The following CLASP1 variants were observed in gnomAD, a reference collection of about 807,000 sequenced individuals.
CLASP1 encodes the protein CLIP-associating protein 1.
A neutral mutation model predicts 192.3 loss-of-function variants in CLASP1; 38 were observed. That is an observed-to-expected ratio of 0.20 (90% CI 0.15 to 0.26). CLASP1 has a LOEUF of 0.26. Among genes scored for constraint, CLASP1 ranks in the 10% least tolerant of loss-of-function variants. CLASP1 has a pLI of 1.00. For missense variants in CLASP1, 1,433 were observed against 1,932.5 expected (o/e 0.74, Z 4.85); for synonymous variants, 691 against 712.8 (o/e 0.97, Z 0.49).
chr2:121,550,321 C>G (rs2057917829), intron 2 of CLASP1, among the ~76,000 whole-genome samples: 1 of 151,994 alleles, frequency 6.6e-6, no homozygotes, highest in African/African-American at 2.4e-5. Context: ...AACCTAACAT[C>G]ACAACTGAAA....
chr2:121,531,159 G>T (rs566081734), intron 2 of CLASP1: 51 of 611,514 alleles, frequency 8.3e-5, no homozygotes, highest in African/African-American at 4.2e-4. Context: ...GATTAAACGG[G>T]AAGGATTTCA....
chr2:121,627,400 C>T (rs1284811311), intron 1 of CLASP1, among the ~76,000 whole-genome samples: 1 of 152,232 alleles, frequency 6.6e-6, no homozygotes, highest in East Asian at 1.9e-4. Context: ...ATCTGCCAGG[C>T]ACTGCCCTCA....
At chr2:121,456,572 G>C (rs538922626) in intron 14 of CLASP1, among the ~76,000 whole-genome samples, 2 of 151,330 alleles carry the variant, frequency 1.3e-5, no homozygotes, top group African/African-American at 4.8e-5. Context: ...GGAAGGGAAG[G>C]AAACAGAAGG....
intron 32 of CLASP1, 62 bp downstream of exon 33, chr2:121,387,060 T>A: frequency 7.7e-7 from 1 of 1,301,300 alleles, no homozygotes; most frequent in South Asian, 1.2e-5. Context: ...AGAAATAGGA[T>A]GCACAGCAAT....
intron 2 of CLASP1, among the ~76,000 whole-genome samples, chr2:121,571,946 G>A (rs2060011314): frequency 6.6e-6 from 1 of 151,616 alleles, no homozygotes; most frequent in African/African-American, 2.4e-5. Flanking sequence ...AAGCTCACCT[G>A]TAAAAGATGT....
chr2:121,648,698 G>A (rs1311997588), intron 1 of CLASP1, among the ~76,000 whole-genome samples: 1 of 152,176 alleles, frequency 6.6e-6, no homozygotes, highest in African/African-American at 2.4e-5. Flanking sequence ...CAATACCAAA[G>A]AACAACAAAG....
chr2:121,463,327 T>G (rs890590029), intron 9 of CLASP1, among the ~76,000 whole-genome samples: 2 of 152,190 alleles, frequency 1.3e-5, no homozygotes, highest in African/African-American at 4.8e-5. Flanking sequence ...GTCTGATTGC[T>G]TTTCTAAGAC....
Position 121,640,233 on chromosome 2 carries a change from C to T in CLASP1, c.-286+9139G>A, listed in dbSNP as rs569638886. Among the ~76,000 whole-genome samples, 4 of 90,662 alleles carry T rather than the reference C, an allele frequency of 4.4e-5. No homozygotes were observed. The South Asian group carries it at 1.1e-3, about 24-fold the overall frequency. 59.5% of individuals were successfully genotyped at this position (90,662 alleles called of 152,430 possible). A position where few individuals can be genotyped will look rare whatever the true frequency, so the allele number is the denominator to read the frequency against. On this transcript the variant is annotated intron_variant, in intron 1 of 39. Coordinates refer to ENST00000263710, the Ensembl canonical transcript of CLASP1. ...TAGGGTCTGCCATGGGGTGGGGGGC[C>T]GGGGGAGGAATAGCATTGGGAGAAA...
chr2:121,416,086 T>A (rs2149538153), intron 23 of CLASP1, among the ~76,000 whole-genome samples: 1 of 152,324 alleles, frequency 6.6e-6, no homozygotes, highest in South Asian at 2.1e-4. Flanking sequence ...ATCTTGATAG[T>A]TCAGACTGAA....
chr2:121,532,244 T>C (rs951806870), intron 2 of CLASP1: 1 of 152,228 alleles, frequency 6.6e-6, no homozygotes, highest in Non-Finnish European at 1.5e-5. Flanking sequence ...GAAAATAATT[T>C]TTAAAACTTT....
chr2:121,401,705 A>C, intron 27 of CLASP1, 33 bp from the exon 29 acceptor site: 1 of 1,575,726 alleles, frequency 6.3e-7, no homozygotes, highest in Non-Finnish European at 8.7e-7. Context: ...TAGTTCACAT[A>C]TTGAATTCAC....
intron 20 of CLASP1, 22 bp from the exon 21 acceptor site, chr2:121,427,452 A>T: frequency 6.2e-7 from 1 of 1,612,480 alleles, no homozygotes; most frequent in Non-Finnish European, 8.5e-7. Context: ...GAGCAGACCA[A>T]AGGACAGGCA....
chr2:121,647,106 G>A (rs986010766), intron 1 of CLASP1, among the ~76,000 whole-genome samples: 4 of 151,028 alleles, frequency 2.6e-5, no homozygotes, highest in East Asian at 1.9e-4. Context: ...GATTGCTCAC[G>A]CCTGTAATCC....
At chr2:121,418,452 A>C (rs2078961664) in intron 23 of CLASP1, among the ~76,000 whole-genome samples, 170 bp downstream of exon 23, 2 of 152,250 alleles carry the variant, frequency 1.3e-5, no homozygotes, top group Admixed American at 1.3e-4. Context: ...CGAAGTTGCC[A>C]AAATTCAAGC....
intron 14 of CLASP1, among the ~76,000 whole-genome samples, chr2:121,456,982 G>A (rs17006497): frequency 0.082 from 12,461 of 152,202 alleles, 586 homozygotes; most frequent in African/African-American, 0.12. Context: ...ACGACTTGCT[G>A]GAAAGAGGGT....
At chr2:121,444,794 A>G (rs547135434) in intron 19 of CLASP1, 1 of 440,140 alleles carries the variant, frequency 2.3e-6, no homozygotes, top group East Asian at 7.2e-5. Context: ...CAATGGCGAC[A>G]GAATGAAAAG....
chr2:121,537,318 GGAGGTT>G (rs2095112926), intron 2 of CLASP1, among the ~76,000 whole-genome samples: 1 of 151,994 alleles, frequency 6.6e-6, no homozygotes, highest in Non-Finnish European at 1.5e-5. Context: ...CTCGAGCCCA[GGAGGTT>G]GAGGCTGCAG....
chr2:121,347,300 G>A (rs1484467953), intron 38 of CLASP1, 146 bp from the exon 40 acceptor site: 53 of 618,598 alleles, frequency 8.6e-5, no homozygotes, highest in Non-Finnish European at 8.7e-6. Context: ...GCCCCGCAAT[G>A]GAATCCAGAC....
intron 1 of CLASP1, among the ~76,000 whole-genome samples, chr2:121,632,968 G>A (rs1449398534): frequency 3.4e-5 from 3 of 89,396 alleles, no homozygotes; most frequent in Non-Finnish European, 5.9e-5. Context: ...AGAGGGAGGT[G>A]TGTGTGTGTG....
Sources: gnomAD v4.1 joint callset for allele counts (sites outside exome capture counted in the v4.1 genomes callset) on GRCh38, gnomAD v4.1.1 for gene constraint, MANE v1.5 for transcripts, NCBI Gene and HGNC (gene_info 2026-07-23, HGNC 2026-07-21) for gene names.